The following PKN2 variants were observed in gnomAD, a reference collection of about 807,000 sequenced individuals.
The protein encoded by PKN2 is protein kinase N2.
A neutral mutation model predicts 119.1 loss-of-function variants in PKN2; 38 were observed. That is an observed-to-expected ratio of 0.32 (90% CI 0.25 to 0.42). The LOEUF (loss-of-function observed/expected upper bound fraction) is 0.42, where lower values mean the gene tolerates loss of function less well. Ranked by LOEUF, PKN2 falls within the 10% of genes least tolerant of loss-of-function variation. The pLI is 1.00. For synonymous variants in PKN2, 390 were observed against 384.9 expected, an observed-to-expected ratio of 1.01 and a Z score of -0.15; for missense variants, 850 against 1,165.1, an observed-to-expected ratio of 0.73 and a Z score of 3.94.
At chr1:88,732,644 G>A (rs890779082) in intron 1 of PKN2, among the ~76,000 whole-genome samples, 13 of 152,118 alleles carry the variant, frequency 8.5e-5, no homozygotes, top group African/African-American at 3.1e-4. Context: ...TAAAATTATT[G>A]AATTGACCAT....
chr1:88,716,474 C>T (rs1001254858), intron 1 of PKN2, among the ~76,000 whole-genome samples: 1 of 152,134 alleles, frequency 6.6e-6, no homozygotes, highest in African/African-American at 2.4e-5. Context: ...AATCTGGGTG[C>T]TCCTGTATTG....
intron 15 of PKN2, among the ~76,000 whole-genome samples, chr1:88,808,492 A>ATTTTTGT (rs1385240258): frequency 1.3e-5 from 2 of 151,658 alleles, no homozygotes; most frequent in African/African-American, 4.8e-5. Context: ...TTTTAGTAGA[A>ATTTTTGT]ATGGGGTTTC....
intron 1 of PKN2, among the ~76,000 whole-genome samples, chr1:88,691,888 A>T (rs892682410): frequency 2.6e-5 from 4 of 152,190 alleles, no homozygotes; most frequent in Admixed American, 6.5e-5. Flanking sequence ...CTATTTTATT[A>T]TTAGTTATTG....
intron 2 of PKN2, among the ~76,000 whole-genome samples, chr1:88,758,038 C>CAAAAAAAAAAAA (rs33914457): frequency 1.7e-5 from 1 of 59,070 alleles, no homozygotes; most frequent in African/African-American, 6.8e-5. Flanking sequence ...GAGACTATCT[C>CAAAAAAAAAAAA]AAAAAAAAAA....
rs1354714458 is a variant in PKN2, at chr1:88,832,813, A to G, written c.2632A>G (p.Arg878Gly). Residue 878 changes from arginine (R) to glycine (G), a missense_variant, in exon 20 of 22, where the codon AGG (arginine) becomes GGG (glycine). Arg to Gly is a moderately radical substitution (Grantham distance 125, BLOSUM62 -2). Around this residue, in one of 9 missense-constraint regions of PKN2, gnomAD observed 95 missense variants for 150.2 expected, o/e 0.63. Coordinates refer to ENST00000370521, the MANE Select transcript of PKN2 (RefSeq NM_006256.4). ...TGTAAATGATGAAGTAAGGTATCCA[A>G]GGTTCTTATCTACAGAAGCCATTTC... ...SIVNDEVRYPRFLSTEAISIM... is the reference protein window; with the variant it reads ...SIVNDEVRYPGFLSTEAISIM... The G allele has an allele frequency of 1.9e-6, 3 of 1,600,594 alleles. No homozygotes were observed. Among genetic ancestry groups the G allele is most frequent in the East Asian group, 4.5e-5 (2 of 44,654 alleles).
chr1:88,693,015 TTGCTTC>T (rs1666391175), intron 1 of PKN2, among the ~76,000 whole-genome samples: 1 of 152,228 alleles, frequency 6.6e-6, no homozygotes, highest in Non-Finnish European at 1.5e-5. Flanking sequence ...AAATATTGTA[TTGCTTC>T]ACACATGCTA....
intron 2 of PKN2, among the ~76,000 whole-genome samples, chr1:88,746,862 C>G (rs1409302938): frequency 6.6e-6 from 1 of 152,118 alleles, no homozygotes; most frequent in Non-Finnish European, 1.5e-5. Context: ...AAGTGCCCAT[C>G]AACAGACAAA....
intron 6 of PKN2, among the ~76,000 whole-genome samples, chr1:88,774,978 G>T (rs930992697): frequency 2.0e-5 from 3 of 152,070 alleles, no homozygotes; most frequent in Non-Finnish European, 4.4e-5. Context: ...CAAAGTGTTG[G>T]GATTATAGGC....
At chr1:88,802,796 TAAG>T (rs1299117892) in intron 8 of PKN2, among the ~76,000 whole-genome samples, 16 of 152,212 alleles carry the variant, frequency 1.1e-4, no homozygotes, top group East Asian at 5.8e-4. Flanking sequence ...AAAAGTGTAA[TAAG>T]AACTTTTAAC....
In PKN2 at chr1:88,771,456, G is replaced by A. The variant is rs780960176; in HGVS notation, c.658G>A (p.Glu220Lys). Reference protein sequence around the residue: ...PVISPLELRMEELRHHFRIEF... With the variant: ...PVISPLELRMKELRHHFRIEF... Reference sequence around the variant, plus strand: ...GATAAGTCCTCTTGAACTTCGGATGGAAGAATTAAGGCATCATTTTAGGAT... The same window carrying A: ...GATAAGTCCTCTTGAACTTCGGATGAAAGAATTAAGGCATCATTTTAGGAT... The change falls in exon 5 of 22, where the codon GAA becomes AAA. Residue 220 changes from glutamate (E) to lysine (K), a missense_variant. Glu to Lys is a moderately conservative substitution (Grantham distance 56). Around this residue, in one of 9 missense-constraint regions of PKN2, gnomAD observed 350 missense variants for 511.1 expected, o/e 0.68. Transcript: ENST00000370521. 60 of 1,605,678 alleles carry A rather than the reference G, an allele frequency of 3.7e-5. No homozygotes were observed. The highest frequency in any genetic ancestry group is 1.8e-4 in the Middle Eastern group (1 of 5,532).
rs1047764273 is a variant in PKN2, at chr1:88,742,378, G to A, written c.349+1090G>A. Among the ~76,000 whole-genome samples, 3 of 152,100 alleles carry A rather than the reference G, an allele frequency of 2.0e-5. 1 individual carries two copies. Among genetic ancestry groups the A allele is most frequent in the Admixed American group, 2.0e-4 (3 of 15,276 alleles). ...GTGTTCTTGTTAAAACTTGTTTTTC[G>A]ACATCACTTTCAACATCTGGGATTT... On this transcript the variant is annotated intron_variant, in intron 2 of 21. Transcript: ENST00000370521.
intron 6 of PKN2, among the ~76,000 whole-genome samples, chr1:88,778,264 C>G (rs571243986): frequency 1.3e-5 from 2 of 152,364 alleles, no homozygotes; most frequent in Non-Finnish European, 2.9e-5. Flanking sequence ...TAAATTGAGA[C>G]CTGTCTCAGA....
chr1:88,828,750 T>A, intron 19 of PKN2, 127 bp downstream of exon 19: 1 of 718,836 alleles, frequency 1.4e-6, no homozygotes, highest in Non-Finnish European at 2.2e-6. Context: ...ATATTTATAG[T>A]ATACTAGTAG....
At chr1:88,780,179 A>G (rs1233727474) in intron 6 of PKN2, among the ~76,000 whole-genome samples, 1 of 152,218 alleles carries the variant, frequency 6.6e-6, no homozygotes, top group African/African-American at 2.4e-5. Flanking sequence ...ACAGTGCCCA[A>G]AAAGAAGTAA....
At chr1:88,781,250 T>A in intron 6 of PKN2, 1 of 812,772 alleles carries the variant, frequency 1.2e-6, no homozygotes. Flanking sequence ...GTTGTATGAT[T>A]ATACTACTGA....
At chr1:88,741,406 C>CT in intron 2 of PKN2, 118 bp downstream of exon 2, 3 of 609,152 alleles carry the variant, frequency 4.9e-6, no homozygotes, top group Non-Finnish European at 5.2e-6. Context: ...AGTAGAGAGA[C>CT]TTTTTCTCTT....
In PKN2 at chr1:88,732,004, T is replaced by C. The variant is rs533878571; in HGVS notation, c.49-8984T>C. On this transcript the variant is annotated intron_variant, in intron 1 of 21. Coordinates refer to ENST00000370521, the MANE Select transcript of PKN2 (RefSeq NM_006256.4). ...AAAGTCATTGTATTTACCAAATACA[T>C]ATTATCACATTTGTGTATTTGAAAT... 2.6e-5 allele frequency among the ~76,000 whole-genome samples: 4 copies of C among 152,368 alleles called. No homozygotes were observed. The South Asian group carries it at 8.3e-4, about 32-fold the overall frequency.
intron 8 of PKN2, among the ~76,000 whole-genome samples, chr1:88,803,124 T>C (rs1371234624): frequency 1.3e-5 from 2 of 152,142 alleles, no homozygotes; most frequent in African/African-American, 2.4e-5. Context: ...TCTCCCATAT[T>C]AATTATGAGT....
At chr1:88,795,822 T>A (rs1671041023) in intron 8 of PKN2, among the ~76,000 whole-genome samples, 1 of 151,680 alleles carries the variant, frequency 6.6e-6, no homozygotes, top group Non-Finnish European at 1.5e-5. Context: ...TCATTGCATA[T>A]CACAATAATA....
Sources: gnomAD v4.1 joint callset for allele counts (sites outside exome capture counted in the v4.1 genomes callset) on GRCh38, gnomAD v4.1.1 for gene constraint, gnomAD v4.1.1 regional missense constraint, MANE v1.5 for transcripts, NCBI Gene and HGNC (gene_info 2026-07-23, HGNC 2026-07-21) for gene names.